Variants in MYO3A observed in about 807,000 individuals in gnomAD.
MYO3A encodes the protein myosin IIIA.
A neutral mutation model predicts 192.7 loss-of-function variants in MYO3A; 180 were observed. That is an observed-to-expected ratio of 0.93 (90% CI 0.83 to 1.06). The LOEUF (loss-of-function observed/expected upper bound fraction) is 1.06. Ranked by LOEUF, MYO3A falls within the 50% of genes least tolerant of loss-of-function variation. The probability of loss-of-function intolerance (pLI) is 0.00; values close to 1 mark genes in which losing one functional copy is unlikely to be tolerated. For synonymous variants in MYO3A, 628 were observed against 645.3 expected, an observed-to-expected ratio of 0.97 and a Z score of 0.41; for missense variants, 1,896 against 1,905.0, an observed-to-expected ratio of 1.00 and a Z score of 0.09.
At chr10:26,132,730 C>G (rs930012812) in intron 20 of MYO3A, among the ~76,000 whole-genome samples, 1 of 151,796 alleles carries the variant, frequency 6.6e-6, no homozygotes, top group Admixed American at 6.6e-5. Context: ...TTACAGACAT[C>G]ATTTAGACAT....
chr10:25,996,642 T>G lies in MYO3A; in HGVS notation c.408+48T>G, dbSNP rs1366245140. On this transcript the variant is annotated intron_variant, in intron 5 of 34. Transcript: ENST00000642920. ...TGCATTAATTATGAAGCAGTTCCAG[T>G]TAAAAAATGTAGATCCTATTTTTAG... The G allele has an allele frequency of 1.6e-5, 24 of 1,471,420 alleles. 1 individual carries two copies. Among genetic ancestry groups the G allele is most frequent in the Non-Finnish European group, 2.1e-5 (22 of 1,055,090 alleles). The allele number at this position is 1,471,420 out of a possible 1,614,324, so 91.1% of individuals were successfully genotyped here.
rs1339911907 is a variant in MYO3A at position 26,026,367 on chromosome 10, G to T, written c.798-10G>T. On this transcript the variant is annotated splice_polypyrimidine_tract_variant and intron_variant, in intron 9 of 34. Coordinates refer to ENST00000642920, the MANE Select transcript of MYO3A (RefSeq NM_017433.5). ...ATCTAATAATTGCATGTTCTTTTTT[G>T]CCAGTGCAGGTGCTTGACTAAAGAT... 6.2e-7 allele frequency: 1 copy of T among 1,612,598 alleles called. No individual in the cohort carries two copies. The highest frequency in any genetic ancestry group is 2.2e-5 in the East Asian group (1 of 44,852).
chr10:25,954,850 A>G (rs1837436886), intron 3 of MYO3A, 24 bp from the exon 4 acceptor site: 5 of 1,606,566 alleles, frequency 3.1e-6, no homozygotes, highest in East Asian at 2.2e-5. Flanking sequence ...TCACAGTTCT[A>G]TTCTTATGAC....
intron 12 of MYO3A, among the ~76,000 whole-genome samples, chr10:26,069,559 C>G (rs750883047): frequency 4.6e-5 from 7 of 152,028 alleles, no homozygotes; most frequent in African/African-American, 1.7e-4. Flanking sequence ...TCTCTGTCAT[C>G]TTTTGCCATC....
intron 20 of MYO3A, among the ~76,000 whole-genome samples, chr10:26,138,946 GAGCCTTT>G (rs1410957164): frequency 6.6e-6 from 1 of 152,186 alleles, no homozygotes; most frequent in Admixed American, 6.5e-5. Flanking sequence ...GAAAGTCCTG[GAGCCTTT>G]CCCTTCATTT....
rs146743248 is a variant in MYO3A at position 26,010,885 on chromosome 10, T to A, written c.509-5935T>A. Among the ~76,000 whole-genome samples, 448 of 152,360 alleles carry A rather than the reference T, an allele frequency of 2.9e-3. 3 individuals are homozygous for A. The highest frequency in any genetic ancestry group is 0.01 in the African/African-American group (434 of 41,592). ...CAAAATGACTTGCTGAAGGGCACAC[T>A]TTAATATTCCATTTGCTAGAGATTT... On this transcript the variant is annotated intron_variant, in intron 6 of 34. Coordinates refer to ENST00000642920, the MANE Select transcript of MYO3A (RefSeq NM_017433.5).
intron 6 of MYO3A, among the ~76,000 whole-genome samples, chr10:26,005,043 C>T (rs550608629): frequency 4.6e-5 from 7 of 152,102 alleles, no homozygotes; most frequent in Admixed American, 1.3e-4. Context: ...TTAATTGTTT[C>T]GAAATATCTC....
At chr10:26,006,643 A>T (rs921239693) in intron 6 of MYO3A, among the ~76,000 whole-genome samples, 1 of 152,230 alleles carries the variant, frequency 6.6e-6, no homozygotes. Flanking sequence ...GAAATGGATA[A>T]ATTCCTGGAC....
At chr10:26,098,438 G>C (rs573083297) in intron 17 of MYO3A, among the ~76,000 whole-genome samples, 187 of 152,230 alleles carry the variant, frequency 1.2e-3, no homozygotes, top group African/African-American at 4.4e-3. Context: ...TGTCAATTTT[G>C]GCTTTTGTTG....
At chr10:26,116,089 T>C (rs1469921575) in intron 17 of MYO3A, among the ~76,000 whole-genome samples, 4 of 152,170 alleles carry the variant, frequency 2.6e-5, no homozygotes, top group Non-Finnish European at 5.9e-5. Context: ...TATTCATAAA[T>C]TTAACAAAAA....
intron 6 of MYO3A, among the ~76,000 whole-genome samples, chr10:26,001,005 C>G (rs1840763737): frequency 6.6e-6 from 1 of 152,122 alleles, no homozygotes; most frequent in Non-Finnish European, 1.5e-5. Flanking sequence ...CACTTTTAAA[C>G]AAGCACATCT....
intron 4 of MYO3A, among the ~76,000 whole-genome samples, chr10:25,989,705 C>G (rs1839891957): frequency 1.3e-5 from 2 of 152,160 alleles, no homozygotes; most frequent in Admixed American, 1.3e-4. Context: ...TATAAGTGTT[C>G]AGGCATCCAG....
chr10:26,206,944 AT>A (rs2132233395), intron 34 of MYO3A, among the ~76,000 whole-genome samples: 1 of 152,218 alleles, frequency 6.6e-6, no homozygotes, highest in East Asian at 1.9e-4. Flanking sequence ...TTCCCCAATG[AT>A]TAGTGATATT....
chr10:26,033,235 G>A (rs1320465047), intron 10 of MYO3A, among the ~76,000 whole-genome samples: 2 of 151,940 alleles, frequency 1.3e-5, no homozygotes, highest in South Asian at 2.1e-4. Context: ...CACTGTGCCC[G>A]GCTAATTTTT....
chr10:26,150,015 T>C (rs1360955201), intron 23 of MYO3A, among the ~76,000 whole-genome samples: 1 of 142,770 alleles, frequency 7.0e-6, no homozygotes, highest in Non-Finnish European at 1.5e-5. Context: ...GGTTCAACCA[T>C]GTTGAATAGT....
At chr10:26,054,268 G>A (rs7899567) in intron 10 of MYO3A, among the ~76,000 whole-genome samples, 47,257 of 152,010 alleles carry the variant, frequency 0.31, 7,618 homozygotes, top group Middle Eastern at 0.44. Context: ...CAGTGTAGTA[G>A]CAATGGAAGT....
chr10:26,110,645 A>G (rs1207914138), intron 17 of MYO3A, among the ~76,000 whole-genome samples: 1 of 152,194 alleles, frequency 6.6e-6, no homozygotes, highest in Non-Finnish European at 1.5e-5. Flanking sequence ...CAATTGAGAG[A>G]TCACTAAGCA....
chr10:26,048,617 A>G (rs963644524), intron 10 of MYO3A, among the ~76,000 whole-genome samples: 1 of 152,070 alleles, frequency 6.6e-6, no homozygotes. Context: ...AGCCCAGACT[A>G]AAGTATAGAT....
intron 6 of MYO3A, among the ~76,000 whole-genome samples, chr10:26,007,167 G>A (rs1351299996): frequency 1.3e-5 from 2 of 148,638 alleles, no homozygotes; most frequent in Non-Finnish European, 3.0e-5. Flanking sequence ...AAAGGCCTTT[G>A]ACAAAATTCA....
Sources: allele counts gnomAD v4.1 joint callset (sites outside exome capture counted in the v4.1 genomes callset), GRCh38; gene constraint gnomAD v4.1.1; transcripts MANE v1.5; gene names NCBI Gene and HGNC (gene_info 2026-07-23, HGNC 2026-07-21).